The following SERPINI1 variants were observed in gnomAD, a reference collection of about 807,000 sequenced individuals.
SERPINI1 encodes neuroserpin.
SERPINI1 carries 19 observed loss-of-function variants against 41.1 expected under a neutral mutation model. The observed-to-expected ratio is 0.46, with a 90% CI of 0.32 to 0.68. The LOEUF (loss-of-function observed/expected upper bound fraction) is 0.68. Among genes scored for constraint, SERPINI1 ranks in the 30% least tolerant of loss-of-function variants. The pLI is 0.03. For missense variants in SERPINI1, 460 were observed against 479.2 expected, an observed-to-expected ratio of 0.96 and a Z score of 0.37; for synonymous variants, 138 against 156.6, an observed-to-expected ratio of 0.88 and a Z score of 0.89.
chr3:167,740,223 G>T (rs1450300710), intron 1 of SERPINI1, among the ~76,000 whole-genome samples: 1 of 152,004 alleles, frequency 6.6e-6, no homozygotes, highest in East Asian at 1.9e-4. Context: ...TAGAGATAAG[G>T]GTCTCACTGT....
intron 1 of SERPINI1, among the ~76,000 whole-genome samples, chr3:167,737,470 G>A (rs1559990508): frequency 6.6e-6 from 1 of 151,974 alleles, no homozygotes; most frequent in East Asian, 1.9e-4. Flanking sequence ...CTGTGAAAAT[G>A]ATTTTGGGGG....
chr3:167,823,000 T>A lies in SERPINI1; in HGVS notation c.994T>A (p.Phe332Ile). Residue 332 changes from phenylalanine (F) to isoleucine (I), a missense_variant, in exon 7 of 9, where the codon TTT (phenylalanine) becomes ATT (isoleucine). Physicochemically the swap from Phe to Ile is conservative, Grantham distance 21. Coordinates refer to ENST00000446050, the MANE Select transcript of SERPINI1 (RefSeq NM_001122752.2). ...TCTTTTTGCAGATAATAAGGAGATT[T>A]TTCTTTCCAAAGCAATTCACAAGTC... is the stretch of plus-strand genomic sequence containing the variant. ...LTGLSDNKEI[F>I]LSKAIHKSFL... 1 of 1,605,714 alleles carries A rather than the reference T, an allele frequency of 6.2e-7. No individual in the cohort carries two copies. Among genetic ancestry groups the A allele is most frequent in the Non-Finnish European group, 8.5e-7 (1 of 1,172,434 alleles).
intron 1 of SERPINI1, among the ~76,000 whole-genome samples, chr3:167,760,348 A>AATATATATATATATATATATAT (rs35053492): frequency 6.1e-5 from 9 of 147,450 alleles, no homozygotes; most frequent in African/African-American, 2.0e-4. Flanking sequence ...ACTAATTTCA[A>AATATATATATATATATATATAT]ATATATATAT....
At chr3:167,738,758 T>G (rs1046052651) in intron 1 of SERPINI1, among the ~76,000 whole-genome samples, 8 of 151,290 alleles carry the variant, frequency 5.3e-5, no homozygotes, top group African/African-American at 1.7e-4. Flanking sequence ...TTTTTTATGC[T>G]TTTATAACCC....
intron 1 of SERPINI1, among the ~76,000 whole-genome samples, chr3:167,739,111 CTTTT>C (rs79245847): frequency 7.8e-5 from 9 of 115,608 alleles, no homozygotes; most frequent in Non-Finnish European, 1.5e-4. Context: ...TTTGTTGTTT[CTTTT>C]TTTTTTTTTT....
intron 5 of SERPINI1, among the ~76,000 whole-genome samples, chr3:167,806,012 C>T (rs1165776759): frequency 6.6e-6 from 1 of 152,100 alleles, no homozygotes; most frequent in East Asian, 1.9e-4. Flanking sequence ...ATTATAAAGA[C>T]ACATTCACAT....
At position 167,789,929 on chromosome 3, in the gene SERPINI1, G is replaced by A. The variant is rs528734520; in HGVS notation, c.251-443G>A. Reference sequence around the variant, plus strand: ...TTTCTATTTTAATGCTCTGATATACGTGTGAATTAGCTCATTAAAAAGTTA... The same window carrying A: ...TTTCTATTTTAATGCTCTGATATACATGTGAATTAGCTCATTAAAAAGTTA... On this transcript the variant is annotated intron_variant, in intron 2 of 8. Coordinates refer to ENST00000446050, the MANE Select transcript of SERPINI1 (RefSeq NM_001122752.2). Among the ~76,000 whole-genome samples the A allele has an allele frequency of 5.9e-5, 9 of 152,148 alleles. No homozygotes were observed. The South Asian group carries it at 1.2e-3, about 21-fold the overall frequency.
At chr3:167,763,877 A>T (rs1315156685) in intron 1 of SERPINI1, among the ~76,000 whole-genome samples, 2 of 152,176 alleles carry the variant, frequency 1.3e-5, no homozygotes, top group Non-Finnish European at 2.9e-5. Context: ...ATAATAGGTT[A>T]TGAAAACACT....
intron 4 of SERPINI1, 84 bp downstream of exon 4, chr3:167,792,868 A>T: frequency 8.5e-7 from 1 of 1,180,122 alleles, no homozygotes; most frequent in South Asian, 1.3e-5. Flanking sequence ...TCATATTCAA[A>T]CTCCTTGTCA....
At chr3:167,793,834 A>G (rs572187102) in intron 4 of SERPINI1, among the ~76,000 whole-genome samples, 16,837 of 106,230 alleles carry the variant, frequency 0.16, 1,247 homozygotes, top group African/African-American at 0.3. Context: ...TTTTGGCCAT[A>G]TGTATGTGTG....
chr3:167,768,936 G>A (rs1560000954), intron 1 of SERPINI1, among the ~76,000 whole-genome samples: 1 of 152,102 alleles, frequency 6.6e-6, no homozygotes, highest in Non-Finnish European at 1.5e-5. Context: ...TCTTCCTAAA[G>A]CCAGTATGCC....
chr3:167,783,530 G>A (rs775976456), intron 1 of SERPINI1, among the ~76,000 whole-genome samples: 6 of 152,142 alleles, frequency 3.9e-5, no homozygotes, highest in Non-Finnish European at 8.8e-5. Context: ...TATAATAGTT[G>A]AAGTATCTTT....
intron 1 of SERPINI1, among the ~76,000 whole-genome samples, chr3:167,774,933 C>T (rs569682955): frequency 1.3e-5 from 2 of 151,732 alleles, no homozygotes; most frequent in East Asian, 1.9e-4. Flanking sequence ...ACACAGAATC[C>T]AAAAAAGCAA....
intron 2 of SERPINI1, among the ~76,000 whole-genome samples, chr3:167,789,735 C>A (rs1273345278): frequency 1.3e-5 from 2 of 152,082 alleles, no homozygotes; most frequent in African/African-American, 4.8e-5. Flanking sequence ...AGAAAGACAG[C>A]ATGGTTTGCT....
At chr3:167,812,360 C>T (rs1179890780) in intron 6 of SERPINI1, among the ~76,000 whole-genome samples, 1 of 152,176 alleles carries the variant, frequency 6.6e-6, no homozygotes, top group Admixed American at 6.5e-5. Flanking sequence ...TCCTGCCCAG[C>T]CAAACTAAAT....
At chr3:167,741,681 C>G (rs530468403) in intron 1 of SERPINI1, among the ~76,000 whole-genome samples, 1 of 152,128 alleles carries the variant, frequency 6.6e-6, no homozygotes, top group African/African-American at 2.4e-5. Flanking sequence ...GTGTACTTCA[C>G]GAAGCAATTT....
chr3:167,815,670 G>A (rs6809765), intron 6 of SERPINI1, among the ~76,000 whole-genome samples: 44,577 of 151,934 alleles, frequency 0.29, 8,121 homozygotes, highest in African/African-American at 0.52. Context: ...GATTACAGGT[G>A]TGAGCCACTA....
chr3:167,756,036 C>T (rs968080798), intron 1 of SERPINI1, among the ~76,000 whole-genome samples: 7 of 151,978 alleles, frequency 4.6e-5, no homozygotes, highest in Non-Finnish European at 2.9e-5. Context: ...CCTGGTCACT[C>T]TCCCCACCCC....
chr3:167,748,752 CTGTGTG>C (rs34438429), intron 1 of SERPINI1, among the ~76,000 whole-genome samples: 2,961 of 143,622 alleles, frequency 0.021, 45 homozygotes, highest in East Asian at 0.057. Context: ...GTGTGTTACT[CTGTGTG>C]TGTGTGTGTG....
Sources: gnomAD v4.1 joint callset for allele counts (sites outside exome capture counted in the v4.1 genomes callset) on GRCh38, gnomAD v4.1.1 for gene constraint, MANE v1.5 for transcripts, NCBI Gene and HGNC (gene_info 2026-07-23, HGNC 2026-07-21) for gene names.